The following ERCC6L2 variants were observed in gnomAD, a reference collection of about 807,000 sequenced individuals.
ERCC6L2 encodes the protein ERCC excision repair 6 like 2.
Under a neutral mutation model 132.0 loss-of-function variants are expected in ERCC6L2, and 77 were observed. The observed-to-expected ratio is 0.58, with a 90% CI of 0.49 to 0.71. ERCC6L2 has a LOEUF of 0.71. Ranked by LOEUF, ERCC6L2 falls within the 30% of genes least tolerant of loss-of-function variation. ERCC6L2 has a pLI of 0.00. For missense variants in ERCC6L2, 1,542 were observed against 1,837.6 expected, an observed-to-expected ratio of 0.84 and a Z score of 2.94; for synonymous variants, 583 against 632.4, an observed-to-expected ratio of 0.92 and a Z score of 1.17.
Position 95,921,319 on chromosome 9 carries a change from A to G in ERCC6L2, c.1299+4A>G. On this transcript the variant is annotated splice_donor_region_variant and intron_variant, in intron 7 of 18. Transcript: ENST00000653738. The stretch of plus-strand genomic sequence containing the variant: ...AAGGAGAAATTGTTGTTATAAGGCA[A>G]GCATTTCAATATATCTTTATAATCA... 6.2e-7 allele frequency: 1 copy of G among 1,608,796 alleles called. No homozygotes were observed. Among genetic ancestry groups the G allele is most frequent in the African/African-American group, 1.3e-5 (1 of 74,726 alleles).
At chr9:95,888,069 T>TG (rs1339628689) in intron 2 of ERCC6L2, among the ~76,000 whole-genome samples, 2 of 44,962 alleles carry the variant, frequency 4.4e-5, no homozygotes, top group African/African-American at 5.6e-5. Context: ...CACTTTGTGG[T>TG]TTTTTTTTTT....
chr9:95,931,515 T>C (rs1830338456), intron 11 of ERCC6L2, among the ~76,000 whole-genome samples: 1 of 152,234 alleles, frequency 6.6e-6, no homozygotes, highest in African/African-American at 2.4e-5. Flanking sequence ...AGCCAGAATA[T>C]ATAGGAAGTA....
At chr9:95,926,062 G>C (rs996482189) in intron 9 of ERCC6L2, among the ~76,000 whole-genome samples, 2 of 152,112 alleles carry the variant, frequency 1.3e-5, no homozygotes, top group Admixed American at 1.3e-4. Context: ...TATTAGAACG[G>C]CCAAAATCCA....
chr9:95,964,462 C>T (rs537259078), intron 13 of ERCC6L2, among the ~76,000 whole-genome samples: 70 of 152,202 alleles, frequency 4.6e-4, no homozygotes, highest in African/African-American at 1.5e-3. Flanking sequence ...CCAATGTAAT[C>T]ACAAGGGATT....
chr9:96,029,105 C>A (rs535513235), intron 19 of ERCC6L2, among the ~76,000 whole-genome samples: 1 of 151,886 alleles, frequency 6.6e-6, no homozygotes, highest in African/African-American at 2.4e-5. Flanking sequence ...GAGATCGAGA[C>A]CATCCTGGCT....
rs1251857489 is a variant in ERCC6L2, at chr9:95,923,056, A to G, written c.1414-204A>G. ...AAATTGAAAAGTAATGATCAAGTTA[A>G]TAACCACATCATTAAGAATTCAGTG... is the stretch of plus-strand genomic sequence containing the variant. On this transcript the variant is annotated intron_variant, in intron 8 of 18. Transcript: ENST00000653738. Among the ~76,000 whole-genome samples the G allele has an allele frequency of 4.6e-5, 7 of 152,358 alleles. No individual in the cohort carries two copies. In the East Asian group the frequency reaches 1.3e-3, roughly 29 times the overall value.
intron 2 of ERCC6L2, among the ~76,000 whole-genome samples, chr9:95,896,615 G>C (rs920983793): frequency 6.6e-6 from 1 of 151,790 alleles, no homozygotes; most frequent in Non-Finnish European, 1.5e-5. Context: ...GTAGAGATGG[G>C]GTTTTGCCAT....
intron 11 of ERCC6L2, 130 bp downstream of exon 11, chr9:95,928,994 G>T: frequency 1.7e-6 from 1 of 600,888 alleles, no homozygotes. Flanking sequence ...ATACTATTAT[G>T]ACCGAAATTT....
At chr9:95,981,614 G>T (rs1208203674) in intron 17 of ERCC6L2, among the ~76,000 whole-genome samples, 2 of 152,156 alleles carry the variant, frequency 1.3e-5, no homozygotes, top group African/African-American at 4.8e-5. Flanking sequence ...GATAACAGAA[G>T]AGAAAACCTG....
intron 18 of ERCC6L2, 175 bp downstream of exon 18, chr9:96,004,876 C>T (rs1833814115): frequency 2.7e-6 from 1 of 366,372 alleles, no homozygotes; most frequent in African/African-American, 2.1e-5. Context: ...GAAGGCTAAT[C>T]CCTGAATTGA....
chr9:95,905,939 C>T (rs73534644), intron 3 of ERCC6L2, among the ~76,000 whole-genome samples: 2,968 of 152,182 alleles, frequency 0.02, 106 homozygotes, highest in African/African-American at 0.069. Context: ...AGAAAATAAT[C>T]GTACTGGTAA....
chr9:96,004,373 G>A, intron 17 of ERCC6L2, 147 bp from the exon 18 acceptor site: 1 of 402,610 alleles, frequency 2.5e-6, no homozygotes, highest in Non-Finnish European at 4.6e-6. Context: ...TAAAGACCTA[G>A]GTTAATATCT....
chr9:95,887,605 A>G (rs954745159), intron 2 of ERCC6L2, among the ~76,000 whole-genome samples: 7 of 152,174 alleles, frequency 4.6e-5, no homozygotes, highest in African/African-American at 9.7e-5. Flanking sequence ...TTTTGTTTCT[A>G]TATTATTAGA....
At chr9:95,981,370 T>C (rs763547060) in intron 17 of ERCC6L2, among the ~76,000 whole-genome samples, 1 of 152,192 alleles carries the variant, frequency 6.6e-6, no homozygotes, top group African/African-American at 2.4e-5. Flanking sequence ...ATGTACTGTT[T>C]TCAGTGTTTC....
At position 96,003,536 on chromosome 9, in the gene ERCC6L2, T is replaced by C. The variant is rs140770752; in HGVS notation, c.3493-984T>C. On this transcript the variant is annotated intron_variant, in intron 17 of 18. Coordinates refer to ENST00000653738, the MANE Select transcript of ERCC6L2 (RefSeq NM_020207.7). ...GGCTTTCCTGGCTTTAATTTGCAAATTTGACTCCTCATTCCTGTTTTGTGT... is the reference window on the plus strand; with the variant it reads ...GGCTTTCCTGGCTTTAATTTGCAAACTTGACTCCTCATTCCTGTTTTGTGT... 7.2e-5 allele frequency among the ~76,000 whole-genome samples: 11 copies of C among 152,342 alleles called. No homozygotes were observed. In the East Asian group the frequency reaches 2.1e-3, roughly 29 times the overall value.
intron 17 of ERCC6L2, among the ~76,000 whole-genome samples, chr9:95,999,376 T>A (rs376325309): frequency 4.6e-5 from 7 of 152,146 alleles, no homozygotes; most frequent in African/African-American, 1.7e-4. Context: ...AAAAAAAATT[T>A]CCTTTTATTA....
chr9:96,030,736 G>A (rs914430659), intron 19 of ERCC6L2, among the ~76,000 whole-genome samples: 5 of 144,276 alleles, frequency 3.5e-5, no homozygotes, highest in African/African-American at 5.1e-5. Flanking sequence ...AACACTCACC[G>A]CGAAGGTACG....
At chr9:95,939,738 T>C (rs689738) in intron 11 of ERCC6L2, among the ~76,000 whole-genome samples, 40,083 of 152,146 alleles carry the variant, frequency 0.26, 5,881 homozygotes, top group East Asian at 0.4. Context: ...TGTTGAAACA[T>C]TTTTATGATG....
In ERCC6L2 at chr9:95,955,899, T is replaced by G; in HGVS notation, c.1848-15T>G. On this transcript the variant is annotated splice_polypyrimidine_tract_variant and intron_variant, in intron 12 of 18. Transcript: ENST00000653738. ...CTTCACTTGATTTTTGTTTGTATTT[T>G]TAATCCTTTTACAGAGCATATAGGA... The G allele has an allele frequency of 6.6e-7, 1 of 1,507,472 alleles. No homozygotes were observed. Among genetic ancestry groups the G allele is most frequent in the Non-Finnish European group, 8.9e-7 (1 of 1,119,298 alleles). The allele number at this position is 1,507,472 out of a possible 1,614,324, so 93.4% of individuals were successfully genotyped here.
Sources: gnomAD v4.1 joint callset for allele counts (sites outside exome capture counted in the v4.1 genomes callset) on GRCh38, gnomAD v4.1.1 for gene constraint, MANE v1.5 for transcripts, NCBI Gene and HGNC (gene_info 2026-07-23, HGNC 2026-07-21) for gene names.